Variants in UNC13C observed in about 807,000 individuals in gnomAD.
UNC13C encodes the protein unc-13 homolog C.
In UNC13C, 174 loss-of-function variants were observed where a neutral mutation model predicts 245.4. The observed-to-expected ratio is 0.71, with a 90% CI of 0.63 to 0.80. The LOEUF (loss-of-function observed/expected upper bound fraction) is 0.80. Ranked by LOEUF, UNC13C falls within the 30% of genes least tolerant of loss-of-function variation. The pLI, the probability that UNC13C is intolerant of heterozygous loss-of-function variation, is 0.00. For missense variants in UNC13C, 2,829 were observed against 2,602.9 expected (o/e 1.09, Z -1.89); for synonymous variants, 992 against 895.1 (o/e 1.11, Z -1.93).
chr15:54,347,221 C>A (rs1035741106), intron 17 of UNC13C, among the ~76,000 whole-genome samples: 1 of 152,112 alleles, frequency 6.6e-6, no homozygotes, highest in African/African-American at 2.4e-5. Context: ...TCAGCATTAA[C>A]TCAGTTCCGT....
chr15:54,615,443 A>G (rs1900368698), intron 30 of UNC13C, among the ~76,000 whole-genome samples: 1 of 151,982 alleles, frequency 6.6e-6, no homozygotes, highest in African/African-American at 2.4e-5. Flanking sequence ...GTGATCACCA[A>G]GAAGAAGACA....
chr15:54,512,712 C>T (rs1164030661), intron 24 of UNC13C, among the ~76,000 whole-genome samples: 4 of 152,172 alleles, frequency 2.6e-5, no homozygotes, highest in Non-Finnish European at 5.9e-5. Flanking sequence ...GATTCCTTTA[C>T]ATTGTTCCTT....
intron 19 of UNC13C, among the ~76,000 whole-genome samples, chr15:54,436,719 G>T (rs1890239698): frequency 6.6e-6 from 1 of 151,702 alleles, no homozygotes; most frequent in African/African-American, 2.4e-5. Flanking sequence ...TGCATATGAG[G>T]CTCAAAACCT....
intron 2 of UNC13C, among the ~76,000 whole-genome samples, chr15:54,043,605 C>G (rs1477681774): frequency 6.6e-6 from 1 of 152,156 alleles, no homozygotes; most frequent in Non-Finnish European, 1.5e-5. Flanking sequence ...TGGGGTGATT[C>G]ATTTGGTTCT....
intron 2 of UNC13C, among the ~76,000 whole-genome samples, chr15:54,113,724 GC>G (rs1352357134): frequency 6.6e-6 from 1 of 152,092 alleles, no homozygotes; most frequent in Non-Finnish European, 1.5e-5. Flanking sequence ...TACTCGGGAG[GC>G]TGAGGCAGGA....
At chr15:54,051,655 T>A (rs1049486072) in intron 2 of UNC13C, among the ~76,000 whole-genome samples, 3 of 150,644 alleles carry the variant, frequency 2.0e-5, no homozygotes, top group African/African-American at 7.5e-5. Context: ...TTTATTTATT[T>A]ATTTATTTAT....
In UNC13C at chr15:54,611,867, T is replaced by A. The variant is rs1361611310; in HGVS notation, c.6107-10460T>A. The stretch of plus-strand genomic sequence containing the variant: ...ATATTTTTTGTAATTTAATCTTATT[T>A]TAAATGCTTCATCAGGCTTACACAC... On this transcript the variant is annotated intron_variant, in intron 30 of 32. Coordinates refer to ENST00000260323, the MANE Select transcript of UNC13C (RefSeq NM_001080534.3). Among the ~76,000 whole-genome samples the A allele has an allele frequency of 2.0e-5, 3 of 152,142 alleles. No homozygotes were observed. The East Asian group carries it at 5.8e-4, about 29-fold the overall frequency.
chr15:54,356,975 G>A (rs988259011), intron 17 of UNC13C, among the ~76,000 whole-genome samples: 2 of 151,858 alleles, frequency 1.3e-5, no homozygotes, highest in African/African-American at 4.8e-5. Flanking sequence ...TCTATTTTAA[G>A]GAAATTGCAC....
intron 2 of UNC13C, among the ~76,000 whole-genome samples, chr15:54,061,130 A>G (rs965334495): frequency 1.3e-5 from 2 of 152,120 alleles, no homozygotes; most frequent in Admixed American, 6.5e-5. Flanking sequence ...TAATAAAAAA[A>G]AAAGGAATCT....
intron 1 of UNC13C, among the ~76,000 whole-genome samples, chr15:53,980,231 G>A (rs72736952): frequency 0.11 from 16,960 of 152,090 alleles, 1,384 homozygotes; most frequent in African/African-American, 0.22. Context: ...CACTTAGGCC[G>A]TAAACAAAAT....
chr15:54,450,863 C>T (rs1356631501), intron 19 of UNC13C, among the ~76,000 whole-genome samples: 1 of 152,184 alleles, frequency 6.6e-6, no homozygotes, highest in Non-Finnish European at 1.5e-5. Context: ...CTGCATCGCT[C>T]ACACTGGGAG....
chr15:54,257,779 G>A (rs2036316557), intron 8 of UNC13C, among the ~76,000 whole-genome samples: 1 of 152,194 alleles, frequency 6.6e-6, no homozygotes, highest in Non-Finnish European at 1.5e-5. Context: ...CAAGAAAAAG[G>A]AGCCTGCTAA....
At chr15:54,176,699 T>C (rs1032156380) in intron 4 of UNC13C, among the ~76,000 whole-genome samples, 1 of 152,122 alleles carries the variant, frequency 6.6e-6, no homozygotes, top group African/African-American at 2.4e-5. Context: ...AAGAATAAAT[T>C]TAATAATATC....
chr15:54,420,234 A>G (rs535381734), intron 19 of UNC13C, among the ~76,000 whole-genome samples: 1 of 152,012 alleles, frequency 6.6e-6, no homozygotes, highest in South Asian at 2.1e-4. Flanking sequence ...TGAAGAACTG[A>G]TGGGCTGGGG....
intron 10 of UNC13C, 66 bp downstream of exon 10, chr15:54,265,562 A>T (rs1487479741): frequency 8.4e-7 from 1 of 1,190,332 alleles, no homozygotes; most frequent in African/African-American, 1.5e-5. Context: ...AGACAGGCAT[A>T]CAAAGGATGC....
intron 18 of UNC13C, among the ~76,000 whole-genome samples, 158 bp downstream of exon 18, chr15:54,393,339 A>C (rs1031607730): frequency 6.6e-6 from 1 of 151,944 alleles, no homozygotes; most frequent in Admixed American, 6.6e-5. Flanking sequence ...ATATCAATTA[A>C]ATGATATTAT....
chr15:54,055,383 A>G (rs11631186), intron 2 of UNC13C, among the ~76,000 whole-genome samples: 55,763 of 152,038 alleles, frequency 0.37, 12,557 homozygotes, highest in Middle Eastern at 0.53. Flanking sequence ...ATTCAAGTAT[A>G]CTGTGGTGAG....
At chr15:54,378,070 C>T (rs993232846) in intron 17 of UNC13C, among the ~76,000 whole-genome samples, 19 of 151,872 alleles carry the variant, frequency 1.3e-4, no homozygotes, top group Non-Finnish European at 2.4e-4. Context: ...CCCATGTGTA[C>T]GTGGAAGTTT....
intron 10 of UNC13C, 147 bp from the exon 11 acceptor site, chr15:54,293,748 A>G (rs2037360993): frequency 3.7e-6 from 2 of 536,774 alleles, no homozygotes; most frequent in Non-Finnish European, 5.8e-6. Context: ...TGTGCCTGCA[A>G]CATCCCATGG....
Sources: allele counts gnomAD v4.1 joint callset (sites outside exome capture counted in the v4.1 genomes callset), GRCh38; gene constraint gnomAD v4.1.1; transcripts MANE v1.5; gene names NCBI Gene and HGNC (gene_info 2026-07-23, HGNC 2026-07-21).